The following OXR1 variants were observed in gnomAD, a reference collection of about 807,000 sequenced individuals.
OXR1 encodes oxidation resistance 1, also known as oxidation resistance protein 1.
Under a neutral mutation model 104.6 loss-of-function variants are expected in OXR1, and 41 were observed. That is an observed-to-expected ratio of 0.39 (90% CI 0.31 to 0.51). The LOEUF is 0.51. Ranked by LOEUF, OXR1 falls within the 20% of genes least tolerant of loss-of-function variation. OXR1 has a pLI of 0.77. For missense variants in OXR1, 955 were observed against 1,031.9 expected, an observed-to-expected ratio of 0.93 and a Z score of 1.02; for synonymous variants, 348 against 348.4, an observed-to-expected ratio of 1.00 and a Z score of 0.01.
chr8:106,741,889 A>G (rs919455760), intron 14 of OXR1, among the ~76,000 whole-genome samples: 3 of 152,200 alleles, frequency 2.0e-5, no homozygotes, highest in African/African-American at 4.8e-5. Flanking sequence ...CCATAGCATC[A>G]TGTTATCCAT....
intron 4 of OXR1, among the ~76,000 whole-genome samples, chr8:106,681,015 T>C (rs1000500946): frequency 6.6e-6 from 1 of 152,212 alleles, no homozygotes; most frequent in Non-Finnish European, 1.5e-5. Context: ...TGAAATCTTG[T>C]ACCTTAATTT....
intron 3 of OXR1, among the ~76,000 whole-genome samples, chr8:106,659,722 G>T (rs1169951869): frequency 6.6e-6 from 1 of 152,150 alleles, no homozygotes; most frequent in African/African-American, 2.4e-5. Flanking sequence ...TCATTCGGTG[G>T]CCCGTGTCTG....
At chr8:106,638,740 A>C (rs1179846947) in intron 3 of OXR1, among the ~76,000 whole-genome samples, 2 of 152,106 alleles carry the variant, frequency 1.3e-5, no homozygotes, top group Non-Finnish European at 2.9e-5. Flanking sequence ...TAAAACTACA[A>C]AAATTAGCTG....
intron 7 of OXR1, among the ~76,000 whole-genome samples, chr8:106,700,976 T>G (rs1330801708): frequency 6.6e-6 from 1 of 152,146 alleles, no homozygotes; most frequent in Non-Finnish European, 1.5e-5. Flanking sequence ...TAAAGTTGTT[T>G]TTTTTTAATA....
At chr8:106,544,040 T>C (rs757501294) in intron 3 of OXR1, among the ~76,000 whole-genome samples, 9 of 152,180 alleles carry the variant, frequency 5.9e-5, no homozygotes, top group Non-Finnish European at 1.2e-4. Context: ...CATTGACATA[T>C]ATATAATAAA....
intron 3 of OXR1, among the ~76,000 whole-genome samples, chr8:106,566,224 A>G (rs191705325): frequency 6.6e-6 from 1 of 152,184 alleles, no homozygotes; most frequent in African/African-American, 2.4e-5. Context: ...CCATCTATCC[A>G]TCTGACAAAG....
chr8:106,509,712 G>T (rs1204975350), intron 2 of OXR1, among the ~76,000 whole-genome samples: 1 of 152,098 alleles, frequency 6.6e-6, no homozygotes, highest in Non-Finnish European at 1.5e-5. Context: ...GTATTATTTG[G>T]ATTTATCTTA....
chr8:106,554,741 T>C (rs1816132906), intron 3 of OXR1, among the ~76,000 whole-genome samples: 1 of 152,166 alleles, frequency 6.6e-6, no homozygotes, highest in Admixed American at 6.6e-5. Flanking sequence ...ACAAATTATA[T>C]GAGAACCAGT....
At chr8:106,648,137 G>A (rs1824243277) in intron 3 of OXR1, among the ~76,000 whole-genome samples, 1 of 152,208 alleles carries the variant, frequency 6.6e-6, no homozygotes, top group Non-Finnish European at 1.5e-5. Context: ...GAATCAGGAA[G>A]TATGCCAGGG....
At chr8:106,500,075 A>G (rs1318338539) in intron 2 of OXR1, among the ~76,000 whole-genome samples, 1 of 152,206 alleles carries the variant, frequency 6.6e-6, no homozygotes, top group Non-Finnish European at 1.5e-5. Context: ...TTGTGCTACA[A>G]ATCATCATCA....
intron 3 of OXR1, chr8:106,658,244 G>A (rs1825353671): frequency 4.1e-6 from 5 of 1,229,210 alleles, no homozygotes; most frequent in Middle Eastern, 5.7e-4. Flanking sequence ...GCTGTGGGGA[G>A]GCGGCGGTCG....
At chr8:106,729,628 G>A (rs999308582) in intron 11 of OXR1, among the ~76,000 whole-genome samples, 1 of 152,042 alleles carries the variant, frequency 6.6e-6, no homozygotes, top group Non-Finnish European at 1.5e-5. Flanking sequence ...ATGTCTTATG[G>A]TAAGTGAAAC....
intron 3 of OXR1, among the ~76,000 whole-genome samples, chr8:106,621,027 C>T (rs35480722): frequency 0.17 from 25,273 of 152,024 alleles, 2,263 homozygotes; most frequent in East Asian, 0.38. Flanking sequence ...AATGATGATA[C>T]GACCCATTAA....
chr8:106,290,754 C>A (rs747012988), intron 1 of OXR1, among the ~76,000 whole-genome samples: 5 of 152,114 alleles, frequency 3.3e-5, no homozygotes, highest in Non-Finnish European at 7.4e-5. Flanking sequence ...GATACCACCC[C>A]CAACCAGTCA....
intron 2 of OXR1, among the ~76,000 whole-genome samples, chr8:106,455,544 T>A (rs1210040455): frequency 1.3e-5 from 2 of 152,212 alleles, no homozygotes; most frequent in Admixed American, 1.3e-4. Context: ...AGTCTGTGTC[T>A]GAATTCCTGA....
chr8:106,317,804 A>AC (rs1287843885), intron 1 of OXR1, among the ~76,000 whole-genome samples: 1 of 151,974 alleles, frequency 6.6e-6, no homozygotes, highest in African/African-American at 2.4e-5. Context: ...CAAAAAAAAA[A>AC]AACAAAAAGG....
chr8:106,742,184 G>A (rs1250068411), intron 14 of OXR1, 38 bp from the exon 15 acceptor site: 1 of 1,099,178 alleles, frequency 9.1e-7, no homozygotes, highest in Admixed American at 1.7e-5. Flanking sequence ...GAATAAATTT[G>A]TTAGTCGTGT....
chr8:106,737,590 G>C lies in OXR1; in HGVS notation c.2027G>C (p.Arg676Thr), dbSNP rs755802366. 7.2e-7 allele frequency: 1 copy of C among 1,397,872 alleles called. No homozygotes were observed. The highest frequency in any genetic ancestry group is 1.7e-5 in the South Asian group (1 of 59,760). The allele number at this position is 1,397,872 out of a possible 1,614,324, so 86.6% of individuals were successfully genotyped here. ...ACTGAAGAACTGCGCACACTCTGCA[G>C]ACGCCTCCAGGTGCCCCCTTCAGTA... is the stretch of plus-strand genomic sequence containing the variant. ...LNTEELRTLC[R>T]RLQITTREDI... The change falls in exon 12 of 17, where the codon AGA becomes ACA. Residue 676 changes from arginine (R) to threonine (T), a missense_variant. This residue lies in a region of OXR1 where 849 missense variants were observed against 852.9 expected (regional missense o/e 1.00). Coordinates refer to ENST00000517566, the MANE Select transcript of OXR1 (RefSeq NM_001198533.2).
chr8:106,714,001 T>C lies in OXR1; in HGVS notation c.1956+16T>C, dbSNP rs200302648. Reference sequence around the variant, plus strand: ...AGAATGGGAGGTAAGGAGAAAAATATGAAGATTTTAGTCATCTTTTTAGTT... The same window carrying C: ...AGAATGGGAGGTAAGGAGAAAAATACGAAGATTTTAGTCATCTTTTTAGTT... On this transcript the variant is annotated intron_variant, in intron 11 of 16. Transcript: ENST00000517566. The C allele has an allele frequency of 3.3e-5, 51 of 1,545,770 alleles. No individual in the cohort carries two copies. In the East Asian group the frequency reaches 7.4e-4, roughly 23 times the overall value.
Sources: gnomAD v4.1 joint callset for allele counts (sites outside exome capture counted in the v4.1 genomes callset) on GRCh38, gnomAD v4.1.1 for gene constraint, gnomAD v4.1.1 regional missense constraint, MANE v1.5 for transcripts, NCBI Gene and HGNC (gene_info 2026-07-23, HGNC 2026-07-21) for gene names.